LMF1: variants seen among roughly 807,000 people sequenced by gnomAD.
LMF1 encodes the protein transmembrane protein 112.
LMF1 carries 68 observed loss-of-function variants against 60.6 expected under a neutral mutation model. The ratio of observed to expected loss-of-function variants is 1.12; its 90% CI spans 0.92 to 1.37. LMF1 has a LOEUF of 1.37. Ranked by LOEUF, LMF1 falls within the 40% of genes most tolerant of loss-of-function variation. The pLI, the probability that LMF1 is intolerant of heterozygous loss-of-function variation, is 0.00. For synonymous variants in LMF1, 418 were observed against 324.7 expected (o/e 1.29, Z -3.09); for missense variants, 948 against 767.2 (o/e 1.24, Z -2.78).
At chr16:959,771 G>A (rs1408334524) in intron 1 of LMF1, among the ~76,000 whole-genome samples, 2 of 151,440 alleles carry the variant, frequency 1.3e-5, no homozygotes, top group Non-Finnish European at 2.9e-5. Context: ...GATGCTAGAG[G>A]AGTCAGGGGA....
In LMF1 at chr16:943,633, A is replaced by G. The variant is rs1170271251; in HGVS notation, c.504-9379T>C. Among the ~76,000 whole-genome samples the G allele has an allele frequency of 2.0e-5, 3 of 149,370 alleles. No individual in the cohort carries two copies. In the East Asian group the frequency reaches 6.0e-4, roughly 30 times the overall value. Reference sequence around the variant, plus strand: ...TCCCAGCTACTTGGGAGGCTGAAGCAGGAAAATTGTTTGAACCTGCGAGGT... The same window carrying G: ...TCCCAGCTACTTGGGAGGCTGAAGCGGGAAAATTGTTTGAACCTGCGAGGT... On this transcript the variant is annotated intron_variant, in intron 2 of 10. Coordinates refer to ENST00000262301, the MANE Select transcript of LMF1 (RefSeq NM_022773.4).
At chr16:870,198 G>A (rs2069741182) in intron 8 of LMF1, 132 bp from the exon 9 acceptor site, 1 of 1,026,342 alleles carries the variant, frequency 9.7e-7, no homozygotes, top group Non-Finnish European at 1.4e-6. Context: ...CCTGCCTCCT[G>A]GTCAGGGGCT....
At chr16:875,922 G>C (rs922783502) in intron 6 of LMF1, among the ~76,000 whole-genome samples, 16 of 152,166 alleles carry the variant, frequency 1.1e-4, no homozygotes, top group African/African-American at 3.9e-4. Flanking sequence ...GGCTGAAGAC[G>C]GCTCAGGAGT....
At chr16:867,562 G>A (rs966048076) in intron 10 of LMF1, among the ~76,000 whole-genome samples, 11 of 152,320 alleles carry the variant, frequency 7.2e-5, no homozygotes, top group African/African-American at 2.4e-4. Context: ...CCAGGGGAAC[G>A]GCCGCCTGTC....
At chr16:979,731 T>C in intron 1 of LMF1, 2 of 454,154 alleles carry the variant, frequency 4.4e-6, no homozygotes, top group Non-Finnish European at 8.8e-6. Flanking sequence ...CTCACCCGGA[T>C]GGCACTGTGA....
At chr16:964,011 C>T (rs922825016) in intron 1 of LMF1, 66 of 455,772 alleles carry the variant, frequency 1.4e-4, no homozygotes, top group East Asian at 7.6e-4. Flanking sequence ...AGAGCCATGG[C>T]GGCCACCCGC....
At chr16:869,194 C>G (rs1289662780) in intron 9 of LMF1, 138 bp from the exon 10 acceptor site, 1 of 705,150 alleles carries the variant, frequency 1.4e-6, no homozygotes, top group East Asian at 2.6e-5. Context: ...CACTCCAGCT[C>G]TTTGGCTGGG....
chr16:928,483 C>A (rs1338570459), intron 3 of LMF1, among the ~76,000 whole-genome samples: 3 of 152,168 alleles, frequency 2.0e-5, no homozygotes, highest in South Asian at 2.1e-4. Flanking sequence ...AGAAACAGAA[C>A]CCACTTCCTA....
intron 1 of LMF1, chr16:980,673 G>A (rs1216932807): frequency 6.8e-6 from 1 of 147,778 alleles, no homozygotes; most frequent in African/African-American, 2.6e-5. Flanking sequence ...CACCCTCGGG[G>A]ACGGCCGGGC....
intron 4 of LMF1, among the ~76,000 whole-genome samples, chr16:905,889 G>T (rs1179268688): frequency 6.6e-6 from 1 of 152,078 alleles, no homozygotes; most frequent in African/African-American, 2.4e-5. Context: ...TGTTAAAGGT[G>T]TGAGCCACTG....
At chr16:932,972 T>A (rs1417745158) in intron 3 of LMF1, 2 of 152,196 alleles carry the variant, frequency 1.3e-5, no homozygotes, top group Non-Finnish European at 2.9e-5. Context: ...CCCACACGCG[T>A]GAGCACTCTG....
chr16:893,027 A>G lies in LMF1; in HGVS notation c.709T>C (p.Cys237Arg). 1 of 1,551,374 alleles carries G rather than the reference A, an allele frequency of 6.4e-7. No individual in the cohort carries two copies. ...RGDRCWRDLT[C>R]MDFHYETQPM... ...CTCACCTCATAGTGGAAGTCCATGC[A>G]GGTGAGGTCTCGCCAGCACCGGTCC... The change falls in exon 5 of 11, where the codon TGC becomes CGC. Residue 237 changes from cysteine (C) to arginine (R), a missense_variant. Cys to Arg is a radical substitution (Grantham distance 180, BLOSUM62 -3). Coordinates refer to ENST00000262301, the MANE Select transcript of LMF1 (RefSeq NM_022773.4).
chr16:888,654 A>G (rs1381063092), intron 5 of LMF1, among the ~76,000 whole-genome samples: 4 of 152,074 alleles, frequency 2.6e-5, no homozygotes, highest in East Asian at 1.9e-4. Flanking sequence ...AACCCTCCCC[A>G]CAGCCTGCTG....
intron 4 of LMF1, among the ~76,000 whole-genome samples, chr16:909,908 C>T (rs568992397): frequency 5.2e-5 from 8 of 152,386 alleles, no homozygotes; most frequent in African/African-American, 1.9e-4. Flanking sequence ...AGCGCGCTGT[C>T]GGGTGGGGCA....
At chr16:881,608 T>C (rs1219762666) in intron 5 of LMF1, 2 of 152,290 alleles carry the variant, frequency 1.3e-5, no homozygotes, top group Admixed American at 6.5e-5. Context: ...AGAATGAGTG[T>C]CGTCTGTTAG....
Position 948,790 on chromosome 16 carries a change from GCC to G in LMF1, c.503+5565_503+5566del, listed in dbSNP as rs1415228448. 3.6e-5 allele frequency among the ~76,000 whole-genome samples: 5 copies of G among 138,198 alleles called. No individual in the cohort carries two copies. The Admixed American group carries it at 3.7e-4, about 10-fold the overall frequency. The allele number at this position is 138,198 out of a possible 152,430, so 90.7% of individuals were successfully genotyped here. A position where few individuals can be genotyped will look rare whatever the true frequency, so the allele number is the denominator to read the frequency against. ...AGAGTCAGCCAACGACAGAGTCAGA[GCC>G]AACGACAGAGTCAGCCAACGACAGA... is the stretch of plus-strand genomic sequence containing the variant. On this transcript the variant is annotated intron_variant, in intron 2 of 10. Coordinates refer to ENST00000262301, the MANE Select transcript of LMF1 (RefSeq NM_022773.4).
chr16:871,064 T>G, intron 7 of LMF1, 97 bp downstream of exon 7: 1 of 1,422,058 alleles, frequency 7.0e-7, no homozygotes, highest in Non-Finnish European at 9.3e-7. Flanking sequence ...ACTCTCCTCC[T>G]ACCCTGGCGT....
chr16:862,896 A>G (rs1174149015), intron 10 of LMF1, among the ~76,000 whole-genome samples: 1 of 152,206 alleles, frequency 6.6e-6, no homozygotes, highest in African/African-American at 2.4e-5. Context: ...ACGTAAATTG[A>G]TGCTTTTCCT....
chr16:963,231 G>T (rs571114412), intron 1 of LMF1, among the ~76,000 whole-genome samples: 12 of 152,222 alleles, frequency 7.9e-5, no homozygotes, highest in African/African-American at 2.6e-4. Context: ...CCACCACTGG[G>T]TGGAAGGGAC....
Sources: allele counts gnomAD v4.1 joint callset (sites outside exome capture counted in the v4.1 genomes callset), GRCh38; gene constraint gnomAD v4.1.1; transcripts MANE v1.5; gene names NCBI Gene and HGNC (gene_info 2026-07-23, HGNC 2026-07-21).